The following SCRN1 variants were observed in gnomAD, a reference collection of about 807,000 sequenced individuals.
SCRN1 encodes the protein secernin-1.
In SCRN1, 19 loss-of-function variants were observed where a neutral mutation model predicts 43.3. The ratio of observed to expected loss-of-function variants is 0.44; its 90% confidence interval spans 0.31 to 0.64. The LOEUF is 0.64. SCRN1 is among the 30% of genes least tolerant of loss of function. The pLI, the probability that SCRN1 is intolerant of heterozygous loss-of-function variation, is 0.09. For missense variants in SCRN1, 447 were observed against 524.1 expected (o/e 0.85, Z 1.44); for synonymous variants, 183 against 188.9 (o/e 0.97, Z 0.26).
chr7:29,978,567 T>A (rs1261598503), intron 1 of SCRN1, among the ~76,000 whole-genome samples: 4 of 152,188 alleles, frequency 2.6e-5, no homozygotes, highest in Non-Finnish European at 4.4e-5. Flanking sequence ...CTAGTAGCCA[T>A]CCTGACTTCT....
At chr7:29,936,060 T>C (rs1787312423) in intron 6 of SCRN1, among the ~76,000 whole-genome samples, 1 of 152,202 alleles carries the variant, frequency 6.6e-6, no homozygotes, top group Non-Finnish European at 1.5e-5. Flanking sequence ...AAACACAATG[T>C]CTTAAAGAAG....
intron 1 of SCRN1, among the ~76,000 whole-genome samples, chr7:29,984,545 G>A (rs796724648): frequency 1.2e-4 from 18 of 151,866 alleles, no homozygotes; most frequent in African/African-American, 4.3e-4. Context: ...GGAAAAATAT[G>A]CAAAATATAT....
chr7:29,940,585 C>T (rs1312356787), intron 5 of SCRN1, 97 bp downstream of exon 5: 2 of 1,174,504 alleles, frequency 1.7e-6, no homozygotes, highest in South Asian at 1.5e-5. Flanking sequence ...ATTCTGTATT[C>T]CTTTTTGTTC....
intron 1 of SCRN1, among the ~76,000 whole-genome samples, chr7:29,986,678 A>T (rs1429854393): frequency 1.3e-5 from 2 of 148,870 alleles, no homozygotes; most frequent in African/African-American, 5.0e-5. Context: ...ATATCTTCAC[A>T]TTCATCCTCT....
chr7:29,927,598 C>A (rs1011397274), intron 6 of SCRN1, among the ~76,000 whole-genome samples: 2 of 152,200 alleles, frequency 1.3e-5, no homozygotes, highest in African/African-American at 4.8e-5. Context: ...GGGGCAGCAC[C>A]TGCAATAACA....
In SCRN1 at chr7:29,987,968, T is replaced by C. The variant is rs548920649; in HGVS notation, c.-2+1674A>G. ...CCTCTATTCCATTATCCCTGAAGCA[T>C]TTGCCTCCTCATGTATCTCCTTCCC... On this transcript the variant is annotated intron_variant, in intron 1 of 7. Coordinates refer to ENST00000242059, the MANE Select transcript of SCRN1 (RefSeq NM_014766.5). 3.5e-4 allele frequency among the ~76,000 whole-genome samples: 54 copies of C among 152,212 alleles called. 1 individual carries two copies. Among genetic ancestry groups the C allele is most frequent in the Middle Eastern group, 3.4e-3 (1 of 294 alleles).
Position 29,943,966 on chromosome 7 carries a change from C to T in SCRN1, c.544+11G>A, listed in dbSNP as rs747768293. On this transcript the variant is annotated intron_variant, in intron 4 of 7. Transcript: ENST00000242059. ...TGTCCTCAGAACTCTCCATCATCCA[C>T]ACCCACTCACCTGTGACTTTCTCGG... is the stretch of plus-strand genomic sequence containing the variant. The T allele has an allele frequency of 1.2e-6, 2 of 1,613,874 alleles. No individual in the cohort carries two copies. Among genetic ancestry groups the T allele is most frequent in the South Asian group, 1.1e-5 (1 of 91,068 alleles).
At chr7:29,974,681 CTTTCTTT>C (rs1048062863) in intron 1 of SCRN1, among the ~76,000 whole-genome samples, 1 of 142,230 alleles carries the variant, frequency 7.0e-6, no homozygotes, top group African/African-American at 2.6e-5. Flanking sequence ...TTCTTTCTTT[CTTTCTTT>C]TTTTTTTTTT....
intron 2 of SCRN1, among the ~76,000 whole-genome samples, chr7:29,961,554 C>T (rs2128095737): frequency 6.6e-6 from 1 of 151,310 alleles, no homozygotes; most frequent in South Asian, 2.1e-4. Context: ...CCGCCATTGT[C>T]ATCCTGGCCC....
At chr7:29,944,478 T>C (rs570831223) in intron 3 of SCRN1, among the ~76,000 whole-genome samples, 2 of 151,994 alleles carry the variant, frequency 1.3e-5, no homozygotes, top group South Asian at 2.1e-4. Flanking sequence ...CTGGGCAACA[T>C]AGCGAGACCT....
At chr7:29,968,629 G>C (rs549713637) in intron 2 of SCRN1, among the ~76,000 whole-genome samples, 1 of 152,300 alleles carries the variant, frequency 6.6e-6, no homozygotes, top group South Asian at 2.1e-4. Flanking sequence ...AAGGATACAA[G>C]TTAGACTTCT....
chr7:29,985,708 A>T (rs1789128180), intron 1 of SCRN1, among the ~76,000 whole-genome samples: 2 of 152,144 alleles, frequency 1.3e-5, no homozygotes, highest in African/African-American at 4.8e-5. Flanking sequence ...CATGTCCTAG[A>T]TCACCACGTA....
At chr7:29,973,702 A>G (rs1271547790) in intron 1 of SCRN1, among the ~76,000 whole-genome samples, 1 of 152,210 alleles carries the variant, frequency 6.6e-6, no homozygotes, top group African/African-American at 2.4e-5. Flanking sequence ...AATATCAAAG[A>G]AGTTGCCTGT....
intron 7 of SCRN1, among the ~76,000 whole-genome samples, chr7:29,925,972 T>C (rs1396914156): frequency 6.6e-6 from 1 of 152,076 alleles, no homozygotes; most frequent in African/African-American, 2.4e-5. Flanking sequence ...TTAAAATGTA[T>C]AGTTCAGTGC....
intron 5 of SCRN1, among the ~76,000 whole-genome samples, chr7:29,938,877 A>G (rs1307920514): frequency 1.1e-4 from 16 of 152,058 alleles, no homozygotes. Flanking sequence ...TGTGTCTTTC[A>G]TTCCTCTAGC....
intron 4 of SCRN1, among the ~76,000 whole-genome samples, chr7:29,942,457 G>A (rs915824970): frequency 2.6e-5 from 4 of 152,134 alleles, no homozygotes; most frequent in African/African-American, 4.8e-5. Flanking sequence ...CTTTTGAAAC[G>A]CAGTCATAGA....
At chr7:29,942,386 T>C (rs953730895) in intron 4 of SCRN1, among the ~76,000 whole-genome samples, 1 of 152,208 alleles carries the variant, frequency 6.6e-6, no homozygotes, top group African/African-American at 2.4e-5. Flanking sequence ...AATATTTAGT[T>C]AACTAATGGA....
Position 29,968,997 on chromosome 7 carries a change from A to C in SCRN1, c.71T>G (p.Phe24Cys). 6.2e-7 allele frequency: 1 copy of C among 1,614,140 alleles called. No homozygotes were observed. The highest frequency in any genetic ancestry group is 1.3e-5 in the African/African-American group (1 of 75,024). ...PPRAKDGLVV[F>C]GKNSARPRDE... ...TCTGGGCCGGGCTGAATTTTTCCCA[A>C]ATACCACCAGACCATCCTTAGCACG... Residue 24 changes from phenylalanine (F) to cysteine (C), a missense_variant, in exon 2 of 8, where the codon TTT (phenylalanine) becomes TGT (cysteine). Coordinates refer to ENST00000242059, the MANE Select transcript of SCRN1 (RefSeq NM_014766.5).
At chr7:29,978,205 G>C (rs545655243) in intron 1 of SCRN1, among the ~76,000 whole-genome samples, 1 of 152,300 alleles carries the variant, frequency 6.6e-6, no homozygotes, top group South Asian at 2.1e-4. Context: ...TGGTTGGTTT[G>C]GCCCAGAGTG....
Sources: gnomAD v4.1 joint callset for allele counts (sites outside exome capture counted in the v4.1 genomes callset) on GRCh38, gnomAD v4.1.1 for gene constraint, MANE v1.5 for transcripts, NCBI Gene and HGNC (gene_info 2026-07-23, HGNC 2026-07-21) for gene names.